Variants in LARGE1 observed in about 807,000 individuals in gnomAD.
LARGE1 encodes the protein xylosyl- and glucuronyltransferase LARGE1.
In LARGE1, 43 loss-of-function variants were observed where a neutral mutation model predicts 87.6. The ratio of observed to expected loss-of-function variants is 0.49; its 90% CI spans 0.38 to 0.63. LARGE1 has a LOEUF of 0.63. LARGE1 is among the 30% of genes least tolerant of loss of function. The pLI is 0.00. For synonymous variants in LARGE1, 434 were observed against 394.6 expected, an observed-to-expected ratio of 1.10 and a Z score of -1.18; for missense variants, 802 against 1,000.2, an observed-to-expected ratio of 0.80 and a Z score of 2.67.
At chr22:33,337,885 C>A (rs941406833) in intron 9 of LARGE1, 84 bp from the exon 10 acceptor site, 67 of 1,404,150 alleles carry the variant, frequency 4.8e-5, no homozygotes, top group Non-Finnish European at 5.9e-5. Flanking sequence ...TGGCTCAGCA[C>A]TGGGCTAAGC....
In LARGE1 at chr22:33,783,607, A is replaced by C. The variant is rs181484243; in HGVS notation, c.-82-22049T>G. 2.1e-3 allele frequency among the ~76,000 whole-genome samples: 324 copies of C among 152,312 alleles called. 8 individuals are homozygous for C. Among genetic ancestry groups the C allele is most frequent in the Admixed American group, 0.02 (299 of 15,296 alleles). ...ATGGAGAGTTATCATGAAAGGAAGA[A>C]GAGGTGTCTACTAAAAGTACTCTCC... On this transcript the variant is annotated intron_variant, in intron 1 of 14. Transcript: ENST00000397394.
Position 33,391,268 on chromosome 22 carries a change from C to A in LARGE1, c.893-6964G>T, listed in dbSNP as rs2065511936. 3.3e-5 allele frequency among the ~76,000 whole-genome samples: 5 copies of A among 152,130 alleles called. No individual in the cohort carries two copies. The South Asian group carries it at 1.0e-3, about 32-fold the overall frequency. On this transcript the variant is annotated intron_variant, in intron 7 of 14. Transcript: ENST00000397394. The stretch of plus-strand genomic sequence containing the variant: ...GTTCTATTCATTAGTTAACTGGGGA[C>A]TTGGAAGTTTTTAAAACACAGTCCT...
At chr22:33,871,673 GCA>G (rs149048953) in intron 1 of LARGE1, among the ~76,000 whole-genome samples, 3 of 151,316 alleles carry the variant, frequency 2.0e-5, no homozygotes, top group Non-Finnish European at 1.5e-5. Flanking sequence ...AAGCGTGCAC[GCA>G]CACACACACA....
intron 11 of LARGE1, among the ~76,000 whole-genome samples, chr22:33,230,004 CTTTTTTTTTTTT>C (rs557120175): frequency 6.2e-5 from 5 of 81,164 alleles, no homozygotes; most frequent in East Asian, 3.9e-4. Context: ...TTTCAAAGTT[CTTTTTTTTTTTT>C]TTTTTTTTTT....
chr22:33,687,385 CTTT>C, intron 2 of LARGE1, among the ~76,000 whole-genome samples: 1 of 143,686 alleles, frequency 7.0e-6, no homozygotes, highest in South Asian at 2.3e-4. Context: ...TACCTTGCTG[CTTT>C]TTTTTTTTTT....
At chr22:33,709,338 C>A (rs1044611079) in intron 2 of LARGE1, among the ~76,000 whole-genome samples, 1 of 152,050 alleles carries the variant, frequency 6.6e-6, no homozygotes, top group Non-Finnish European at 1.5e-5. Context: ...AGGTTGCTGG[C>A]GTCAGGCCCT....
chr22:33,346,223 TCTTC>T (rs1455389887), intron 9 of LARGE1, among the ~76,000 whole-genome samples: 1 of 151,404 alleles, frequency 6.6e-6, no homozygotes, highest in African/African-American at 2.4e-5. Context: ...CCTTCTTTTC[TCTTC>T]CTTTCTTCCT....
intron 9 of LARGE1, among the ~76,000 whole-genome samples, chr22:33,355,950 A>G (rs1013859314): frequency 2.6e-5 from 4 of 152,194 alleles, no homozygotes; most frequent in African/African-American, 9.6e-5. Flanking sequence ...GCTGGGGATC[A>G]ACAAAATCAA....
intron 1 of LARGE1, among the ~76,000 whole-genome samples, chr22:33,781,121 CG>C (rs1265570073): frequency 1.3e-5 from 2 of 152,172 alleles, no homozygotes; most frequent in African/African-American, 2.4e-5. Context: ...TTAGTTTGGA[CG>C]TTTTTCATTT....
intron 1 of LARGE1, among the ~76,000 whole-genome samples, chr22:33,795,331 A>C (rs5999104): frequency 0.089 from 13,576 of 152,218 alleles, 2,024 homozygotes; most frequent in African/African-American, 0.31. Context: ...CTACTTACTT[A>C]TATGTAGGTT....
intron 2 of LARGE1, among the ~76,000 whole-genome samples, chr22:33,719,225 CAA>C (rs1373006556): frequency 2.6e-5 from 4 of 152,128 alleles, no homozygotes; most frequent in African/African-American, 7.2e-5. Flanking sequence ...AGTGTTACGA[CAA>C]GAGTCAAAAA....
chr22:33,882,774 G>C (rs776619831), intron 1 of LARGE1, among the ~76,000 whole-genome samples: 2 of 152,132 alleles, frequency 1.3e-5, no homozygotes, highest in Non-Finnish European at 2.9e-5. Context: ...AAATGGGCAG[G>C]AATTTTACTT....
At chr22:33,806,695 AT>A (rs2086320546) in intron 1 of LARGE1, among the ~76,000 whole-genome samples, 1 of 152,292 alleles carries the variant, frequency 6.6e-6, no homozygotes, top group East Asian at 1.9e-4. Flanking sequence ...GAGGAAGATA[AT>A]AAGACTCAGA....
chr22:33,574,173 T>C (rs1017966739), intron 5 of LARGE1, among the ~76,000 whole-genome samples: 1 of 152,210 alleles, frequency 6.6e-6, no homozygotes, highest in Non-Finnish European at 1.5e-5. Flanking sequence ...TGTTATGAAC[T>C]GGACTGTGAT....
intron 12 of LARGE1, among the ~76,000 whole-genome samples, chr22:33,283,976 G>A (rs1270347366): frequency 6.6e-6 from 1 of 152,156 alleles, no homozygotes; most frequent in African/African-American, 2.4e-5. Flanking sequence ...GGAGCCCTGG[G>A]AGGCAAAGCA....
At chr22:33,611,079 C>A (rs1338671333) in intron 4 of LARGE1, among the ~76,000 whole-genome samples, 1 of 139,188 alleles carries the variant, frequency 7.2e-6, no homozygotes. Flanking sequence ...CAGAAGCCTG[C>A]TACAGGGGCA....
chr22:33,635,072 C>T (rs757291879), intron 3 of LARGE1, among the ~76,000 whole-genome samples: 20 of 151,450 alleles, frequency 1.3e-4, no homozygotes, highest in East Asian at 5.8e-4. Context: ...GAGCCGAGAT[C>T]GCACCACTGC....
intron 6 of LARGE1, among the ~76,000 whole-genome samples, chr22:33,536,583 C>T (rs754020598): frequency 6.6e-6 from 1 of 152,194 alleles, no homozygotes. Flanking sequence ...ATTATCTCTC[C>T]TGTTTCATCT....
chr22:33,196,394 GTTAA>G (rs957822512), intron 11 of LARGE1, among the ~76,000 whole-genome samples: 1 of 152,064 alleles, frequency 6.6e-6, no homozygotes, highest in African/African-American at 2.4e-5. Flanking sequence ...AATTTAGTAA[GTTAA>G]ATGAAATGGG....
Sources: allele counts gnomAD v4.1 joint callset (sites outside exome capture counted in the v4.1 genomes callset), GRCh38; gene constraint gnomAD v4.1.1; transcripts MANE v1.5; gene names NCBI Gene and HGNC (gene_info 2026-07-23, HGNC 2026-07-21).